Variants in LINGO2 observed in about 807,000 individuals in gnomAD.
The protein encoded by LINGO2 is leucine-rich repeat and immunoglobulin-like domain-containing nogo receptor-interacting protein 2.
A neutral mutation model predicts 30.6 loss-of-function variants in LINGO2; 14 were observed. The observed-to-expected ratio is 0.46, with a 90% confidence interval of 0.30 to 0.72. The LOEUF is 0.72. LINGO2 is among the 30% of genes least tolerant of loss of function. The pLI, the probability that LINGO2 is intolerant of heterozygous loss-of-function variation, is 0.07. For synonymous variants in LINGO2, 317 were observed against 288.5 expected (o/e 1.10, Z -1.00); for missense variants, 729 against 751.7 (o/e 0.97, Z 0.35).
intron 4 of LINGO2, among the ~76,000 whole-genome samples, chr9:28,233,061 T>TATATATATATATATATATATATATATAA (rs60875467): frequency 8.4e-6 from 1 of 118,830 alleles, no homozygotes; most frequent in African/African-American, 3.6e-5. Context: ...TATATATATA[T>TATATATATATATATATATATATATATAA]TAGATATATA....
At chr9:28,368,294 G>A (rs944627268) in intron 3 of LINGO2, among the ~76,000 whole-genome samples, 1 of 152,100 alleles carries the variant, frequency 6.6e-6, no homozygotes, top group African/African-American at 2.4e-5. Context: ...CTCTGGGTGT[G>A]TTTGCTGGAC....
chr9:28,781,905 C>A, the LINGO2 span, among the ~76,000 whole-genome samples: 3 of 152,150 alleles, frequency 2.0e-5, no homozygotes, highest in Admixed American at 2.0e-4. Flanking sequence ...AATTTATTGT[C>A]ATACAGTAAG....
chr9:28,241,141 C>T (rs370408766), intron 4 of LINGO2, among the ~76,000 whole-genome samples: 14 of 151,634 alleles, frequency 9.2e-5, no homozygotes, highest in East Asian at 7.8e-4. Flanking sequence ...TGATGGTGTG[C>T]GCCTGTAATC....
the LINGO2 span, chr9:27,940,362 A>G: frequency 1.3e-5 from 2 of 152,062 alleles, no homozygotes; most frequent in Non-Finnish European, 2.9e-5. Context: ...TTTTGCATTT[A>G]GTTATTTATA....
At chr9:28,065,575 A>T (rs1019776677) in intron 4 of LINGO2, among the ~76,000 whole-genome samples, 4 of 152,142 alleles carry the variant, frequency 2.6e-5, no homozygotes, top group African/African-American at 7.2e-5. Flanking sequence ...ATTACATTTT[A>T]AAAATATGTA....
the LINGO2 span, among the ~76,000 whole-genome samples, chr9:29,176,841 G>A: frequency 1.3e-5 from 2 of 152,200 alleles, no homozygotes; most frequent in Non-Finnish European, 2.9e-5. Context: ...ACCAGCAGCA[G>A]TAAGAGAAAA....
the LINGO2 span, among the ~76,000 whole-genome samples, chr9:29,113,455 T>C: frequency 6.6e-6 from 1 of 151,880 alleles, no homozygotes; most frequent in Non-Finnish European, 1.5e-5. Flanking sequence ...AGACCATCCA[T>C]GTCAATTTTG....
At chr9:28,977,746 A>G in the LINGO2 span, among the ~76,000 whole-genome samples, 1 of 152,162 alleles carries the variant, frequency 6.6e-6, no homozygotes, top group Non-Finnish European at 1.5e-5. Context: ...CCAGAAGGTA[A>G]TTGGGTCAAC....
chr9:29,007,150 T>A, the LINGO2 span, among the ~76,000 whole-genome samples: 1 of 152,092 alleles, frequency 6.6e-6, no homozygotes, highest in Non-Finnish European at 1.5e-5. Context: ...TCAAAGGTAA[T>A]GGTAGAGAAG....
chr9:27,993,981 A>T (rs555387948), intron 5 of LINGO2, among the ~76,000 whole-genome samples: 1 of 152,270 alleles, frequency 6.6e-6, no homozygotes, highest in African/African-American at 2.4e-5. Flanking sequence ...GTGGAATAAA[A>T]CTAAAAATAA....
intron 1 of LINGO2, among the ~76,000 whole-genome samples, chr9:28,626,048 A>T (rs1170527381): frequency 6.6e-6 from 1 of 152,164 alleles, no homozygotes; most frequent in Non-Finnish European, 1.5e-5. Flanking sequence ...TGGTGGCAAC[A>T]TTTGAGAATT....
the LINGO2 span, among the ~76,000 whole-genome samples, chr9:28,783,644 T>C: frequency 1.3e-5 from 2 of 152,114 alleles, no homozygotes; most frequent in African/African-American, 4.8e-5. Context: ...GGAAATAACA[T>C]TTGAATTGGG....
At chr9:28,684,007 T>C in the LINGO2 span, among the ~76,000 whole-genome samples, 3 of 152,108 alleles carry the variant, frequency 2.0e-5, no homozygotes, top group African/African-American at 7.2e-5. Flanking sequence ...AAATCAAAAC[T>C]TTTTTTGTGA....
At chr9:28,018,074 C>T (rs183659258) in intron 4 of LINGO2, among the ~76,000 whole-genome samples, 1 of 152,162 alleles carries the variant, frequency 6.6e-6, no homozygotes, top group East Asian at 1.9e-4. Flanking sequence ...ATCATCTGAC[C>T]TTTGACAAAG....
chr9:28,317,257 T>G (rs1361915383), intron 3 of LINGO2, among the ~76,000 whole-genome samples: 4 of 151,934 alleles, frequency 2.6e-5, no homozygotes, highest in Non-Finnish European at 5.9e-5. Context: ...AAAAGAGAGA[T>G]ATAATTTTCA....
chr9:28,393,998 CTT>C (rs11326008), intron 2 of LINGO2, among the ~76,000 whole-genome samples: 12 of 151,052 alleles, frequency 7.9e-5, no homozygotes, highest in Admixed American at 2.0e-4. Context: ...GTACTAACCT[CTT>C]TTTTTTTTCC....
At chr9:28,977,580 C>A in the LINGO2 span, among the ~76,000 whole-genome samples, 1 of 151,814 alleles carries the variant, frequency 6.6e-6, no homozygotes, top group Non-Finnish European at 1.5e-5. Flanking sequence ...GCTGCATTGC[C>A]CTGATGTATG....
At chr9:28,285,398 A>ATTTTTTTT (rs34034595) in intron 4 of LINGO2, among the ~76,000 whole-genome samples, 17 of 76,196 alleles carry the variant, frequency 2.2e-4, no homozygotes, top group East Asian at 4.4e-4. Flanking sequence ...GCCCAAGATC[A>ATTTTTTTT]TTTTTTTTTT....
chr9:29,074,071 G>T, the LINGO2 span, among the ~76,000 whole-genome samples: 1 of 152,006 alleles, frequency 6.6e-6, no homozygotes, highest in Non-Finnish European at 1.5e-5. Context: ...AAGAGACTTT[G>T]TGAAGTTATT....
Sources: allele counts gnomAD v4.1 joint callset (sites outside exome capture counted in the v4.1 genomes callset), GRCh38; gene constraint gnomAD v4.1.1; transcripts MANE v1.5; gene names NCBI Gene and HGNC (gene_info 2026-07-23, HGNC 2026-07-21).